Variants in MCC observed in about 807,000 individuals in gnomAD.
MCC encodes colorectal mutant cancer protein.
MCC carries 90 observed loss-of-function variants against 116.2 expected under a neutral mutation model. The ratio of observed to expected loss-of-function variants is 0.77; its 90% CI spans 0.65 to 0.92. The LOEUF (loss-of-function observed/expected upper bound fraction) is 0.92. Among genes scored for constraint, MCC ranks in the 40% least tolerant of loss-of-function variants. The pLI, the probability that MCC is intolerant of heterozygous loss-of-function variation, is 0.00. For missense variants in MCC, 1,516 were observed against 1,312.2 expected, an observed-to-expected ratio of 1.16 and a Z score of -2.40; for synonymous variants, 578 against 510.5, an observed-to-expected ratio of 1.13 and a Z score of -1.78.
At chr5:113,423,259 A>G (rs1017383545) in intron 1 of MCC, among the ~76,000 whole-genome samples, 16 of 152,204 alleles carry the variant, frequency 1.1e-4, no homozygotes, top group African/African-American at 3.9e-4. Flanking sequence ...TGGTTTCCTA[A>G]GTGCCTTGCA....
At chr5:113,071,464 C>T (rs1754036521) in intron 11 of MCC, among the ~76,000 whole-genome samples, 1 of 152,152 alleles carries the variant, frequency 6.6e-6, no homozygotes, top group African/African-American at 2.4e-5. Flanking sequence ...GCCCCCCAGC[C>T]ATTGCCACAC....
intron 8 of MCC, among the ~76,000 whole-genome samples, chr5:113,099,238 GAAATAAA>G (rs1756243000): frequency 6.6e-6 from 1 of 152,168 alleles, no homozygotes; most frequent in Admixed American, 6.5e-5. Flanking sequence ...GAAGGTAACT[GAAATAAA>G]AATTATACAA....
At chr5:113,459,624 C>A (rs911791944) in intron 1 of MCC, among the ~76,000 whole-genome samples, 1 of 152,114 alleles carries the variant, frequency 6.6e-6, no homozygotes, top group Non-Finnish European at 1.5e-5. Context: ...GGTGGAGTGG[C>A]AATCCTGATG....
At chr5:113,292,411 C>T (rs552338886) in intron 3 of MCC, among the ~76,000 whole-genome samples, 1 of 152,190 alleles carries the variant, frequency 6.6e-6, no homozygotes, top group Admixed American at 6.5e-5. Flanking sequence ...AAAAGAACAT[C>T]TGGTAAAGGA....
intron 3 of MCC, among the ~76,000 whole-genome samples, chr5:113,301,274 TG>T (rs2150364799): frequency 6.6e-6 from 1 of 152,294 alleles, no homozygotes; most frequent in African/African-American, 2.4e-5. Context: ...AAGACCAGCC[TG>T]ACCAACATGG....
chr5:113,137,889 T>C (rs780247336), intron 5 of MCC, among the ~76,000 whole-genome samples: 3 of 152,126 alleles, frequency 2.0e-5, no homozygotes, highest in Non-Finnish European at 4.4e-5. Flanking sequence ...ATGATTTGGA[T>C]TGAGTCCATA....
intron 6 of MCC, among the ~76,000 whole-genome samples, chr5:113,114,763 C>T (rs1252373062): frequency 6.6e-6 from 1 of 152,154 alleles, no homozygotes; most frequent in Non-Finnish European, 1.5e-5. Context: ...CAGCCAGAAT[C>T]CAGGGGAAGA....
intron 15 of MCC, among the ~76,000 whole-genome samples, chr5:113,051,374 G>A (rs142017195): frequency 1.3e-5 from 2 of 152,124 alleles, no homozygotes; most frequent in Non-Finnish European, 2.9e-5. Context: ...AGAAAATAAA[G>A]ATTTAAAACA....
intron 1 of MCC, among the ~76,000 whole-genome samples, chr5:113,398,344 G>C (rs188131081): frequency 3.0e-4 from 46 of 152,174 alleles, no homozygotes; most frequent in Admixed American, 7.9e-4. Context: ...TATACCCAAA[G>C]GAATATAAAT....
chr5:113,205,004 T>C (rs1457701737), intron 3 of MCC, among the ~76,000 whole-genome samples: 2 of 152,192 alleles, frequency 1.3e-5, no homozygotes, highest in African/African-American at 4.8e-5. Flanking sequence ...GGCTATGGAC[T>C]GGTTTTATAG....
rs781753626 is a variant in MCC, at chr5:113,064,135, T to C, written c.2062A>G (p.Met688Val). ...CGGCAGTCATGAGCTCGCTTGAGCA[T>C]CTGAGTGATGTTTTCATCCCCCGAC... ...DQSGDENITQ[M>V]LKRAHDCRKT... The change falls in exon 14 of 19, where the codon ATG (methionine) becomes GTG (valine). Residue 688 changes from methionine (M) to valine (V), a missense_variant. Transcript: ENST00000408903. 3 of 1,613,594 alleles carry C rather than the reference T, an allele frequency of 1.9e-6. No individual in the cohort carries two copies. The highest frequency in any genetic ancestry group is 1.7e-6 in the Non-Finnish European group (2 of 1,179,696).
intron 3 of MCC, among the ~76,000 whole-genome samples, chr5:113,220,057 C>CTTTT (rs1229213218): frequency 2.8e-4 from 22 of 79,536 alleles, no homozygotes; most frequent in South Asian, 1.4e-3. Context: ...ATGTCAATTT[C>CTTTT]TTTTTCTTTT....
At chr5:113,467,672 T>A (rs979889294) in intron 1 of MCC, among the ~76,000 whole-genome samples, 6 of 152,174 alleles carry the variant, frequency 3.9e-5, no homozygotes. Context: ...CACGGGCTCT[T>A]TTTTGTTTCC....
intron 1 of MCC, among the ~76,000 whole-genome samples, chr5:113,403,668 A>C (rs75976214): frequency 0.036 from 5,534 of 152,130 alleles, 348 homozygotes; most frequent in African/African-American, 0.13. Context: ...AGAAGGAGAG[A>C]AGAGGAAGGT....
At chr5:113,466,257 T>A (rs1440928936) in intron 1 of MCC, among the ~76,000 whole-genome samples, 1 of 151,902 alleles carries the variant, frequency 6.6e-6, no homozygotes. Context: ...TATGTATACA[T>A]GTGCCATGCT....
At chr5:113,450,608 A>C (rs1771364451) in intron 1 of MCC, among the ~76,000 whole-genome samples, 1 of 152,234 alleles carries the variant, frequency 6.6e-6, no homozygotes. Context: ...CATATGCTAC[A>C]TGTAGAAATG....
At chr5:113,208,330 T>C (rs1762994395) in intron 3 of MCC, among the ~76,000 whole-genome samples, 1 of 152,170 alleles carries the variant, frequency 6.6e-6, no homozygotes, top group South Asian at 2.1e-4. Flanking sequence ...AACCTATCTG[T>C]TCCCCTGATG....
chr5:113,279,894 C>T (rs1284891385), intron 3 of MCC, among the ~76,000 whole-genome samples: 1 of 152,204 alleles, frequency 6.6e-6, no homozygotes, highest in Non-Finnish European at 1.5e-5. Context: ...AAAGGGAATA[C>T]TTGCAAAATG....
chr5:113,097,430 A>C (rs1291221866), intron 8 of MCC, among the ~76,000 whole-genome samples: 9 of 152,332 alleles, frequency 5.9e-5, no homozygotes, highest in African/African-American at 2.2e-4. Flanking sequence ...CCAATACAAC[A>C]TATTACCATT....
Sources: allele counts gnomAD v4.1 joint callset (sites outside exome capture counted in the v4.1 genomes callset), GRCh38; gene constraint gnomAD v4.1.1; transcripts MANE v1.5; gene names NCBI Gene and HGNC (gene_info 2026-07-23, HGNC 2026-07-21).